The following MYO15B variants were observed in gnomAD, a reference collection of about 807,000 sequenced individuals.
MYO15B encodes the protein myosin XVB, also known as myosin XVB pseudogene.
In MYO15B, 207 loss-of-function variants were observed where a neutral mutation model predicts 119.3. The observed-to-expected ratio is 1.73, with a 90% CI of 1.55 to 1.95. MYO15B has a LOEUF of 1.95. Ranked by LOEUF, MYO15B falls within the 30% of genes most tolerant of loss-of-function variation. MYO15B has a pLI of 0.00. For missense variants in MYO15B, 2,264 were observed against 1,203.1 expected, an observed-to-expected ratio of 1.88 and a Z score of -13.04; for synonymous variants, 966 against 498.9, an observed-to-expected ratio of 1.94 and a Z score of -12.48.
chr17:75,607,139 C>G (rs58195240), intron 21 of MYO15B: 5,378 of 392,094 alleles, frequency 0.014, 269 homozygotes, highest in African/African-American at 0.099. Context: ...TGCAGAACAT[C>G]GGGGGAGCCA....
At chr17:75,626,188 C>T (rs548144598) in exon 63 of MYO15B, 56 of 703,088 alleles carry the variant, frequency 8.0e-5, no homozygotes, top group African/African-American at 6.6e-4. Context: ...AACTATGGCT[C>T]AGCTGACAAC....
At position 75,612,967 on chromosome 17, in the gene MYO15B, T is replaced by G. The variant is rs2058121515; in HGVS notation, c.4732-7T>G. 1 of 688,208 alleles carries G rather than the reference T, an allele frequency of 1.5e-6. No homozygotes were observed. The highest frequency in any genetic ancestry group is 1.8e-5 in the African/African-American group (1 of 56,974). 42.6% of individuals were successfully genotyped at this position (688,208 alleles called of 1,614,324 possible). On this transcript the variant is annotated splice_region_variant and splice_polypyrimidine_tract_variant and intron_variant, in intron 26 of 63. Coordinates refer to ENST00000645453, the Ensembl canonical transcript of MYO15B. ...CACGTCCTGTCCTTACCCGGCTGTGTCGGCAGATGCTGCGGCTCCTGGGGG... is the reference window on the plus strand; with the variant it reads ...CACGTCCTGTCCTTACCCGGCTGTGGCGGCAGATGCTGCGGCTCCTGGGGG...
chr17:75,610,585 G>C, intron 22 of MYO15B: 1 of 531,258 alleles, frequency 1.9e-6, no homozygotes, highest in East Asian at 3.0e-5. Context: ...GGTCTATAAA[G>C]CGACTCAAAG....
chr17:75,605,452 A>AT (rs11448916), intron 19 of MYO15B, 52 bp from the exon 20 acceptor site: 1 of 652,928 alleles, frequency 1.5e-6, no homozygotes, highest in Non-Finnish European at 2.7e-6. Context: ...AAAAAAAAAA[A>AT]GTGTAAAAGG....
intron 9 of MYO15B, 87 bp downstream of exon 9, chr17:75,592,927 G>A: frequency 1.5e-6 from 1 of 646,302 alleles, no homozygotes; most frequent in South Asian, 1.7e-5. Flanking sequence ...CTGGTGTGTA[G>A]GAGACTACAG....
exon 32 of MYO15B, chr17:75,614,795 C>T (rs1372605119): frequency 2.8e-6 from 2 of 702,708 alleles, no homozygotes; most frequent in Non-Finnish European, 2.6e-6. Context: ...GGTCAGGGAG[C>T]CTGGACGGCT....
rs572498249 is a variant in MYO15B, at chr17:75,615,054, GCTGATT to G, written c.5641+14_5641+19del. 1.4e-3 allele frequency: 1,010 copies of G among 701,506 alleles called. 9 individuals carry two copies. The highest frequency in any genetic ancestry group is 0.012 in the African/African-American group (673 of 57,356). 43.5% of individuals were successfully genotyped at this position (701,506 alleles called of 1,614,324 possible). On this transcript the variant is annotated intron_variant, in intron 33 of 63. Transcript: ENST00000645453. ...GGGCTACCCCATGGGTGAGTGAGGG[GCTGATT>G]CCTCACCCAGGGCCTCCGGGCCCGG...
At chr17:75,626,732 G>A in exon 64 of MYO15B, 2 of 569,998 alleles carry the variant, frequency 3.5e-6, no homozygotes, top group Non-Finnish European at 6.3e-6. Flanking sequence ...GGGCACCTGA[G>A]GTTGCCCAGT....
Position 75,621,341 on chromosome 17 carries a change from A to C in MYO15B, c.7872-4A>C, listed in dbSNP as rs771643556. 1.4e-6 allele frequency: 1 copy of C among 697,394 alleles called. No individual in the cohort carries two copies. The highest frequency in any genetic ancestry group is 1.5e-5 in the South Asian group (1 of 67,336). The allele number at this position is 697,394 out of a possible 1,614,324, so 43.2% of individuals were successfully genotyped here. The stretch of plus-strand genomic sequence containing the variant: ...GCTGGGCTGTCTCCCTCTGCCCCCC[A>C]CAGGCTGGGCCAGACTGATGGAGGT... On this transcript the variant is annotated splice_region_variant and splice_polypyrimidine_tract_variant and intron_variant, in intron 50 of 63. Transcript: ENST00000645453.
intron 14 of MYO15B, among the ~76,000 whole-genome samples, chr17:75,599,042 T>C (rs820265): frequency 0.67 from 101,856 of 152,044 alleles, 34,506 homozygotes; most frequent in East Asian, 0.78. Flanking sequence ...AACGTCCAAC[T>C]AAATTACTTT....
rs1268688748 is a variant in MYO15B at position 75,589,912 on chromosome 17, G to T, written c.1855G>T (p.Gly619Cys). 2 of 398,552 alleles carry T rather than the reference G, an allele frequency of 5.0e-6. No individual in the cohort carries two copies. Among genetic ancestry groups the T allele is most frequent in the Non-Finnish European group, 4.4e-6 (1 of 226,014 alleles). 24.7% of individuals were successfully genotyped at this position (398,552 alleles called of 1,614,324 possible). A position where few individuals can be genotyped will look rare whatever the true frequency, so the allele number is the denominator to read the frequency against. ...CGACGGGCCTTCCCTCGACGAGAGC[G>T]GCTCCAGCAGTGAGGCGGAGTTGGA... Residue 619 changes from glycine (G) to cysteine (C), a missense_variant, in exon 1 of 64, where the codon GGC (glycine) becomes TGC (cysteine). Physicochemically the swap from Gly to Cys is radical, Grantham distance 159 (BLOSUM62 -3). Transcript: ENST00000645453. This position sits in a 1 kb window ranked among gnomAD's most constrained non-coding sequence, Gnocchi z 4.2.
chr17:75,591,830 T>A (rs1483361378), intron 5 of MYO15B, 118 bp downstream of exon 5: 1 of 676,428 alleles, frequency 1.5e-6, no homozygotes, highest in African/African-American at 1.8e-5. Flanking sequence ...AGGGGTGGTC[T>A]CCAGGCCTCT....
chr17:75,607,868 T>G (rs1209765114), intron 21 of MYO15B, among the ~76,000 whole-genome samples: 21 of 152,192 alleles, frequency 1.4e-4, no homozygotes, highest in Admixed American at 1.4e-3. Context: ...GCTGCCAAAT[T>G]GCTTTCCATA....
chr17:75,609,313 A>G (rs574916011), intron 21 of MYO15B, among the ~76,000 whole-genome samples: 3 of 151,270 alleles, frequency 2.0e-5, no homozygotes, highest in Admixed American at 6.6e-5. Context: ...CTAGGACTAC[A>G]AGGACACGCC....
chr17:75,624,443 TCA>T lies in MYO15B; in HGVS notation c.8444_8445del (p.Thr2815SerfsTer71), dbSNP rs2058901507. The T allele has an allele frequency of 4.3e-6, 3 of 702,858 alleles. No individual in the cohort carries two copies. Among genetic ancestry groups the T allele is most frequent in the Non-Finnish European group, 2.6e-6 (1 of 385,006 alleles). 43.5% of individuals were successfully genotyped at this position (702,858 alleles called of 1,614,324 possible). A position where few individuals can be genotyped will look rare whatever the true frequency, so the allele number is the denominator to read the frequency against. ...GATTATAGGACGAATATCCAGACTT[TCA>T]CAGTGAGCTTGGGGGCCACCAAGGG... On this transcript the variant is annotated frameshift_variant and splice_region_variant, in exon 57 of 64. Coordinates refer to ENST00000645453, the Ensembl canonical transcript of MYO15B. LOFTEE classifies it high-confidence loss of function.
chr17:75,619,455 C>G (rs1462251675), exon 45 of MYO15B: 12 of 702,526 alleles, frequency 1.7e-5, no homozygotes, highest in Admixed American at 8.0e-5. Context: ...CCAATTACTT[C>G]TCCCGCTTCT....
Position 75,607,235 on chromosome 17 carries a change from AC to A in MYO15B, c.4292+1219del, listed in dbSNP as rs1213748566. 1.4e-5 allele frequency: 5 copies of A among 347,232 alleles called. No homozygotes were observed. The East Asian group carries it at 2.1e-4, about 15-fold the overall frequency. The allele number at this position is 347,232 out of a possible 1,614,324, so 21.5% of individuals were successfully genotyped here. Reference sequence around the variant, plus strand: ...TTAAGCAGTAACTATTGCCCCCAAGACCCCCAGCCCCTGGTAACTTTCAGTC... The same window carrying A: ...TTAAGCAGTAACTATTGCCCCCAAGACCCCAGCCCCTGGTAACTTTCAGTC... On this transcript the variant is annotated intron_variant, in intron 21 of 63. Coordinates refer to ENST00000645453, the Ensembl canonical transcript of MYO15B.
intron 4 of MYO15B, 55 bp downstream of exon 4, chr17:75,591,301 G>A (rs961575987): frequency 1.9e-5 from 13 of 698,070 alleles, no homozygotes; most frequent in Non-Finnish European, 3.1e-5. Flanking sequence ...GAGGGTTGAT[G>A]GGGCGGGGCC....
At chr17:75,592,335 T>C (rs2056523630) in intron 7 of MYO15B, 34 bp downstream of exon 7, 1 of 702,166 alleles carries the variant, frequency 1.4e-6, no homozygotes, top group African/African-American at 1.7e-5. Flanking sequence ...CCCTGCCCAG[T>C]TCCCAGAGTA....
Sources: gnomAD v4.1 joint callset for allele counts (sites outside exome capture counted in the v4.1 genomes callset) on GRCh38, gnomAD v4.1.1 for gene constraint, Gnocchi (gnomAD v3.1) non-coding constraint, MANE v1.5 for transcripts, NCBI Gene and HGNC (gene_info 2026-07-23, HGNC 2026-07-21) for gene names.